ERO1B: variants seen among roughly 807,000 people sequenced by gnomAD.
ERO1B encodes the protein ERO1-like protein beta.
A neutral mutation model predicts 75.3 loss-of-function variants in ERO1B; 49 were observed. The observed-to-expected ratio is 0.65, with a 90% CI of 0.52 to 0.83. The LOEUF is 0.83. Among genes scored for constraint, ERO1B ranks in the 40% least tolerant of loss-of-function variants. ERO1B has a pLI of 0.00. For missense variants in ERO1B, 512 were observed against 560.1 expected (o/e 0.91, Z 0.87); for synonymous variants, 191 against 192.9 (o/e 0.99, Z 0.08).
intron 3 of ERO1B, among the ~76,000 whole-genome samples, chr1:236,252,444 G>A (rs1295410590): frequency 6.6e-6 from 1 of 152,086 alleles, no homozygotes; most frequent in Non-Finnish European, 1.5e-5. Context: ...AGAAAGTTTT[G>A]AAAGTTCAAA....
chr1:236,265,388 T>C (rs1302064182), intron 2 of ERO1B, among the ~76,000 whole-genome samples: 1 of 152,214 alleles, frequency 6.6e-6, no homozygotes, highest in Non-Finnish European at 1.5e-5. Context: ...TATATGTACA[T>C]TTGTGCTTGT....
At chr1:236,243,796 A>G (rs577456369) in intron 5 of ERO1B, among the ~76,000 whole-genome samples, 2 of 152,292 alleles carry the variant, frequency 1.3e-5, no homozygotes, top group South Asian at 4.1e-4. Flanking sequence ...GTTAAACACA[A>G]AACTCAAGCT....
chr1:236,264,098 T>C (rs1236080034), intron 2 of ERO1B, among the ~76,000 whole-genome samples: 1 of 152,132 alleles, frequency 6.6e-6, no homozygotes, highest in Non-Finnish European at 1.5e-5. Flanking sequence ...ACTTTTTTCA[T>C]ATAACTACAT....
intron 5 of ERO1B, among the ~76,000 whole-genome samples, chr1:236,244,641 T>C (rs528402106): frequency 1.3e-5 from 2 of 152,342 alleles, no homozygotes; most frequent in Non-Finnish European, 2.9e-5. Context: ...ATTTCTTCTT[T>C]GAGCATCCTC....
At chr1:236,249,153 G>A (rs906480960) in intron 5 of ERO1B, among the ~76,000 whole-genome samples, 1 of 151,802 alleles carries the variant, frequency 6.6e-6, no homozygotes, top group African/African-American at 2.4e-5. Context: ...AGCCTCTCAG[G>A]TAGCTGGGAT....
At position 236,240,120 on chromosome 1, in the gene ERO1B, G is replaced by A. The variant is rs113749412; in HGVS notation, c.505+3302C>T. On this transcript the variant is annotated intron_variant, in intron 6 of 15. Transcript: ENST00000354619. The stretch of plus-strand genomic sequence containing the variant: ...GGGTTTTGCCATGTTGGCCAAGCCA[G>A]TCTCAAACTCCTAACTTCAGGTGAT... Among the ~76,000 whole-genome samples, 10 of 151,836 alleles carry A rather than the reference G, an allele frequency of 6.6e-5. 2 individuals are homozygous for A. Among genetic ancestry groups the A allele is most frequent in the African/African-American group, 2.4e-4 (10 of 41,452 alleles).
intron 2 of ERO1B, among the ~76,000 whole-genome samples, chr1:236,255,381 G>C (rs1665138145): frequency 1.3e-5 from 2 of 152,026 alleles, no homozygotes; most frequent in Non-Finnish European, 2.9e-5. Flanking sequence ...CTAAAGTAGT[G>C]CTCAGTATGC....
At chr1:236,281,186 G>C (rs1183626476) in intron 1 of ERO1B, among the ~76,000 whole-genome samples, 2 of 152,192 alleles carry the variant, frequency 1.3e-5, no homozygotes, top group Non-Finnish European at 2.9e-5. Flanking sequence ...GCTCTAGTCC[G>C]ACAGTTCGAG....
At chr1:236,236,471 C>A in intron 6 of ERO1B, 73 bp from the exon 7 acceptor site, 2 of 1,523,566 alleles carry the variant, frequency 1.3e-6, no homozygotes, top group Non-Finnish European at 1.8e-6. Flanking sequence ...ACAAAGCAAA[C>A]CGGACTACTC....
rs1343923217 is a variant in ERO1B, at chr1:236,215,502, C to T, written c.*3014G>A. 2.0e-5 allele frequency: 3 copies of T among 152,292 alleles called. No homozygotes were observed. The highest frequency in any genetic ancestry group is 3.9e-4 in the East Asian group (2 of 5,190). 9.4% of individuals were successfully genotyped at this position (152,292 alleles called of 1,614,324 possible). On this transcript the variant is annotated 3_prime_UTR_variant, in exon 16 of 16. Transcript: ENST00000354619. ...TCTCCACAGGTTACAATCAAATTCT[C>T]ATGCCATAAAAAGAAACACTTAAAA...
intron 13 of ERO1B, among the ~76,000 whole-genome samples, chr1:236,222,971 C>T (rs900686523): frequency 2.0e-5 from 3 of 151,884 alleles, no homozygotes; most frequent in East Asian, 1.9e-4. Context: ...TTTGGGAGAC[C>T]AAGGTGTGAT....
At chr1:236,268,535 T>G (rs1186750503) in intron 2 of ERO1B, among the ~76,000 whole-genome samples, 2 of 152,172 alleles carry the variant, frequency 1.3e-5, no homozygotes, top group African/African-American at 4.8e-5. Context: ...ATAGATCACT[T>G]GAAGCCAGGA....
chr1:236,221,872 T>C, intron 14 of ERO1B, 52 bp downstream of exon 14: 1 of 1,367,324 alleles, frequency 7.3e-7, no homozygotes, highest in East Asian at 2.3e-5. Context: ...TTGGACTCAG[T>C]GGAAAAAATA....
At chr1:236,268,683 A>G (rs10924906) in intron 2 of ERO1B, among the ~76,000 whole-genome samples, 32,905 of 150,920 alleles carry the variant, frequency 0.22, 3,701 homozygotes, top group East Asian at 0.32. Context: ...TCAGGAGATC[A>G]AGACCATCCT....
chr1:236,239,956 G>A (rs1297757958), intron 6 of ERO1B, among the ~76,000 whole-genome samples: 1 of 147,436 alleles, frequency 6.8e-6, no homozygotes, highest in African/African-American at 2.5e-5. Context: ...GCAGTGGGGA[G>A]TGCAATGGCA....
At chr1:236,279,557 G>A (rs747863821) in intron 1 of ERO1B, among the ~76,000 whole-genome samples, 136 of 150,086 alleles carry the variant, frequency 9.1e-4, no homozygotes, top group Non-Finnish European at 1.6e-3. Context: ...GCCTGGGCGC[G>A]GTGGCTCACG....
At chr1:236,264,949 C>T (rs1665398612) in intron 2 of ERO1B, among the ~76,000 whole-genome samples, 1 of 152,100 alleles carries the variant, frequency 6.6e-6, no homozygotes, top group Non-Finnish European at 1.5e-5. Flanking sequence ...GGCTTCACCA[C>T]TAGGCAATAT....
chr1:236,250,363 G>A (rs186742652), intron 4 of ERO1B, among the ~76,000 whole-genome samples: 33 of 151,838 alleles, frequency 2.2e-4, no homozygotes, highest in Admixed American at 8.5e-4. Context: ...CCAGCTACTC[G>A]GGAGAGGCTG....
intron 14 of ERO1B, among the ~76,000 whole-genome samples, chr1:236,221,219 C>CT (rs1156843457): frequency 5.3e-5 from 8 of 152,036 alleles, no homozygotes; most frequent in South Asian, 4.1e-4. Flanking sequence ...ATTAAAATGA[C>CT]TTTTTTAACC....
Sources: allele counts gnomAD v4.1 joint callset (sites outside exome capture counted in the v4.1 genomes callset), GRCh38; gene constraint gnomAD v4.1.1; transcripts MANE v1.5; gene names NCBI Gene and HGNC (gene_info 2026-07-23, HGNC 2026-07-21).